Variants in MYBPC1 observed in about 807,000 individuals in gnomAD.
MYBPC1 encodes the protein myosin-binding protein C, slow-type.
MYBPC1 carries 52 observed loss-of-function variants against 147.1 expected under a neutral mutation model. The ratio of observed to expected loss-of-function variants is 0.35; its 90% CI spans 0.28 to 0.45. MYBPC1 has a LOEUF of 0.45. Ranked by LOEUF, MYBPC1 falls within the 20% of genes least tolerant of loss-of-function variation. The probability of loss-of-function intolerance (pLI) is 1.00; values close to 1 mark genes in which losing one functional copy is unlikely to be tolerated. For synonymous variants in MYBPC1, 477 were observed against 475.9 expected, an observed-to-expected ratio of 1.00 and a Z score of -0.03; for missense variants, 1,228 against 1,440.3, an observed-to-expected ratio of 0.85 and a Z score of 2.39.
chr12:101,662,368 T>A lies in MYBPC1; in HGVS notation c.2043T>A (p.Ile681=), dbSNP rs1593975133. ...TTTGCATACCTGCAGGATATTTTATTGAGAGGAAGAAGAAACAAAGCTCCA... is the reference window on the plus strand; with the variant it reads ...TTTGCATACCTGCAGGATATTTTATAGAGAGGAAGAAGAAACAAAGCTCCA... ...DGGSPILGYF[I]ERKKKQSSRW... is the part of the protein sequence containing the mutation. The change falls in exon 21 of 32, where the codon ATT becomes ATA. Residue 681 remains isoleucine, a synonymous_variant. Transcript: ENST00000361466. 1 of 1,614,180 alleles carries A rather than the reference T, an allele frequency of 6.2e-7. No individual in the cohort carries two copies. Among genetic ancestry groups the A allele is most frequent in the East Asian group, 2.2e-5 (1 of 44,886 alleles).
At chr12:101,677,070 T>A (rs1900163679) in intron 26 of MYBPC1, among the ~76,000 whole-genome samples, 165 bp from the exon 27 acceptor site, 1 of 152,228 alleles carries the variant, frequency 6.6e-6, no homozygotes, top group Admixed American at 6.5e-5. Flanking sequence ...TATACATTGT[T>A]TCAACACATT....
At position 101,644,709 on chromosome 12, in the gene MYBPC1, G is replaced by T. The variant is rs774089781; in HGVS notation, c.878G>T (p.Gly293Val). ...CCTGCATATCAGGTTGACAAAGGAG[G>T]CAGAGTGAGGTTTGTTGTGGAGCTG... ...LDPAYQVDKGGRVRFVVELAD... is the reference protein window; with the variant it reads ...LDPAYQVDKGVRVRFVVELAD... The change falls in exon 12 of 32, where the codon GGC becomes GTC. Residue 293 changes from glycine (G) to valine (V), a missense_variant. This residue lies in a region of MYBPC1 where 1,077 missense variants were observed against 1,314.2 expected (regional missense o/e 0.82). Transcript: ENST00000361466. 6 of 1,613,996 alleles carry T rather than the reference G, an allele frequency of 3.7e-6. No individual in the cohort carries two copies. The South Asian group carries it at 4.4e-5, about 12-fold the overall frequency.
downstream of MYBPC1, among the ~76,000 whole-genome samples, chr12:101,689,343 T>A (rs1471972141): frequency 1.3e-5 from 2 of 152,218 alleles, no homozygotes; most frequent in African/African-American, 4.8e-5. Flanking sequence ...TCTACACTGG[T>A]GACTGCAGAG....
chr12:101,644,712 G>C lies in MYBPC1; in HGVS notation c.881G>C (p.Arg294Thr). The C allele has an allele frequency of 6.2e-7, 1 of 1,614,072 alleles. No homozygotes were observed. Among genetic ancestry groups the C allele is most frequent in the Non-Finnish European group, 8.5e-7 (1 of 1,179,950 alleles). The change falls in exon 12 of 32, where the codon AGA (arginine) becomes ACA (threonine). Residue 294 changes from arginine to threonine, a missense_variant. This residue lies in a region of MYBPC1 where 1,077 missense variants were observed against 1,314.2 expected (regional missense o/e 0.82). Transcript: ENST00000361466. ...GCATATCAGGTTGACAAAGGAGGCAGAGTGAGGTTTGTTGTGGAGCTGGCA... is the reference window on the plus strand; with the variant it reads ...GCATATCAGGTTGACAAAGGAGGCACAGTGAGGTTTGTTGTGGAGCTGGCA... ...DPAYQVDKGG[R>T]VRFVVELADP...
chr12:101,626,816 G>T (rs925656073), intron 3 of MYBPC1, 56 bp from the exon 4 acceptor site: 9 of 1,380,254 alleles, frequency 6.5e-6, no homozygotes, highest in Non-Finnish European at 9.3e-6. Context: ...CTTTTCTCAG[G>T]TTACTTGGGA....
chr12:101,669,938 AAG>A (rs372835346), intron 23 of MYBPC1: 9,067 of 150,714 alleles, frequency 0.06, 298 homozygotes, highest in Admixed American at 0.089. Flanking sequence ...GAAAAAAAAA[AAG>A]AAAAAAAAAA....
chr12:101,617,859 A>G lies in MYBPC1; in HGVS notation c.103+616A>G, dbSNP rs1439175146. 2.0e-5 allele frequency among the ~76,000 whole-genome samples: 3 copies of G among 152,174 alleles called. No individual in the cohort carries two copies. In the East Asian group the frequency reaches 5.8e-4, roughly 29 times the overall value. On this transcript the variant is annotated intron_variant, in intron 3 of 31. Coordinates refer to ENST00000361466, the MANE Select transcript of MYBPC1 (RefSeq NM_002465.4). ...ATAATCTTAATCATATACTTCTGTT[A>G]CTCCATGAAATGCTAATTCCTTTGT...
chr12:101,644,580 G>C (rs139925646), intron 11 of MYBPC1, 84 bp from the exon 12 acceptor site: 5 of 1,282,690 alleles, frequency 3.9e-6, no homozygotes, highest in Non-Finnish European at 5.6e-6. Flanking sequence ...TTTGCTTTTA[G>C]GTTCTCCTAC....
intron 1 of MYBPC1, among the ~76,000 whole-genome samples, chr12:101,598,216 C>T (rs572035851): frequency 9.2e-5 from 14 of 152,118 alleles, no homozygotes; most frequent in African/African-American, 2.9e-4. Context: ...GACGAGGTTT[C>T]GCCATGTTGG....
intron 19 of MYBPC1, chr12:101,660,046 T>C (rs999299868): frequency 5.0e-6 from 3 of 598,094 alleles, no homozygotes; most frequent in Admixed American, 5.7e-5. Flanking sequence ...TCATATTCCC[T>C]TTTGGTGCCC....
At chr12:101,688,968 AGAAAAAG>A (rs1951384843), downstream of MYBPC1, among the ~76,000 whole-genome samples, 1 of 33,454 alleles carries the variant, frequency 3.0e-5, no homozygotes, top group Non-Finnish European at 9.3e-5. Context: ...AAAAAAAAAA[AGAAAAAG>A]AAAAAAAAAG....
At position 101,658,942 on chromosome 12, in the gene MYBPC1, T is replaced by C. The variant is rs1405711; in HGVS notation, c.1768-730T>C. On this transcript the variant is annotated intron_variant, in intron 18 of 31. Transcript: ENST00000361466. ...ACCTTCTCTGTTTTTCCTCTTTGTATATTGGCTATTGATTGTCTTATAGAA... is the reference window on the plus strand; with the variant it reads ...ACCTTCTCTGTTTTTCCTCTTTGTACATTGGCTATTGATTGTCTTATAGAA... 1.6e-4 allele frequency among the ~76,000 whole-genome samples: 25 copies of C among 152,236 alleles called. No homozygotes were observed. The East Asian group carries it at 4.1e-3, about 25-fold the overall frequency.
the MYBPC1 span, among the ~76,000 whole-genome samples, chr12:101,695,571 A>C: frequency 1.3e-5 from 2 of 152,182 alleles, no homozygotes; most frequent in Admixed American, 1.3e-4. Context: ...GAGGCACCCC[A>C]GTTTGCTCAC....
chr12:101,617,325 T>C (rs1307582508), intron 3 of MYBPC1, 82 bp downstream of exon 3: 4 of 1,416,730 alleles, frequency 2.8e-6, no homozygotes, highest in African/African-American at 1.4e-5. Context: ...TCATGGTGGC[T>C]CCATAGAATT....
chr12:101,680,448 C>G lies in MYBPC1; in HGVS notation c.3352C>G (p.Pro1118Ala). The G allele has an allele frequency of 6.2e-7, 1 of 1,614,110 alleles. No homozygotes were observed. The change falls in exon 29 of 32, where the codon CCC (proline) becomes GCC (alanine). Residue 1118 changes from proline to alanine, a missense_variant. Transcript: ENST00000361466. The stretch of plus-strand genomic sequence containing the variant: ...TACCCTGGAAATTCGCAAGCCCAGC[C>G]CCTATGATGGAGGCACTTACTGCTG... ...VCTLEIRKPS[P>A]YDGGTYCCKA...
intron 8 of MYBPC1, 25 bp from the exon 9 acceptor site, chr12:101,634,529 G>A: frequency 6.3e-7 from 1 of 1,590,948 alleles, no homozygotes; most frequent in African/African-American, 1.3e-5. Flanking sequence ...GGGTATTTAT[G>A]TTATTGTTTT....
At chr12:101,614,625 A>G in intron 2 of MYBPC1, 94 bp downstream of exon 2, 1 of 1,285,528 alleles carries the variant, frequency 7.8e-7, no homozygotes, top group East Asian at 2.5e-5. Flanking sequence ...GTGAGCTGTG[A>G]GCTTTAACCT....
At chr12:101,650,173 C>T (rs549592352) in intron 15 of MYBPC1, among the ~76,000 whole-genome samples, 1 of 152,124 alleles carries the variant, frequency 6.6e-6, no homozygotes, top group Non-Finnish European at 1.5e-5. Flanking sequence ...CCATTTAAAG[C>T]AATTATAATC....
intron 6 of MYBPC1, among the ~76,000 whole-genome samples, chr12:101,631,079 T>C (rs1889785907): frequency 6.6e-6 from 1 of 152,204 alleles, no homozygotes; most frequent in Non-Finnish European, 1.5e-5. Context: ...ATTGCAGGTT[T>C]ACTTCAAGCA....
Sources: allele counts gnomAD v4.1 joint callset (sites outside exome capture counted in the v4.1 genomes callset), GRCh38; gene constraint gnomAD v4.1.1; regional missense constraint gnomAD v4.1.1; transcripts MANE v1.5; gene names NCBI Gene and HGNC (gene_info 2026-07-23, HGNC 2026-07-21).